The following ADCY1 variants were observed in gnomAD, a reference collection of about 807,000 sequenced individuals.
ADCY1 encodes the protein adenylate cyclase type 1.
In ADCY1, 28 loss-of-function variants were observed where a neutral mutation model predicts 105.4. That is an observed-to-expected ratio of 0.27 (90% CI 0.20 to 0.36). ADCY1 has a LOEUF of 0.36. Ranked by LOEUF, ADCY1 falls within the 10% of genes least tolerant of loss-of-function variation. The probability of loss-of-function intolerance (pLI) is 1.00; values close to 1 mark genes in which losing one functional copy is unlikely to be tolerated. For missense variants in ADCY1, 977 were observed against 1,434.2 expected, an observed-to-expected ratio of 0.68 and a Z score of 5.15; for synonymous variants, 655 against 623.8, an observed-to-expected ratio of 1.05 and a Z score of -0.75.
chr7:45,577,593 G>A (rs568342942), intron 1 of ADCY1, among the ~76,000 whole-genome samples: 1 of 152,346 alleles, frequency 6.6e-6, no homozygotes, highest in South Asian at 2.1e-4. Flanking sequence ...GCAGTCACTC[G>A]TTGACAGCAC....
At chr7:45,628,160 C>G (rs1471521067) in intron 4 of ADCY1, among the ~76,000 whole-genome samples, 3 of 152,204 alleles carry the variant, frequency 2.0e-5, no homozygotes, top group Admixed American at 2.0e-4. Context: ...ATTTTGCTAA[C>G]TGCCCTGGAT....
intron 2 of ADCY1, among the ~76,000 whole-genome samples, chr7:45,600,599 G>A (rs1355990634): frequency 1.3e-5 from 2 of 152,252 alleles, no homozygotes; most frequent in Non-Finnish European, 2.9e-5. Flanking sequence ...AAGTCTGGAG[G>A]GAGGCAGCCC....
At chr7:45,689,937 A>G (rs1784755938) in intron 14 of ADCY1, among the ~76,000 whole-genome samples, 1 of 152,270 alleles carries the variant, frequency 6.6e-6, no homozygotes, top group Non-Finnish European at 1.5e-5. Flanking sequence ...GAGAGGAGTC[A>G]GAGTCCAATC....
rs979337203 is a variant in ADCY1 at position 45,575,583 on chromosome 7, CGGCTCTGCGCGCAGCGCTG to C, written c.639+408_639+426del. The stretch of plus-strand genomic sequence containing the variant: ...AGACCCCCAGGGCAAGCTCCAAGGC[CGGCTCTGCGCGCAGCGCTG>C]GGCTCTTCCCCTGCGCACCTAGAGC... On this transcript the variant is annotated intron_variant, in intron 1 of 19. Transcript: ENST00000297323. The surrounding 1 kb of genome is among the most constrained non-coding windows in gnomAD (Gnocchi z 4.7). Among the ~76,000 whole-genome samples the C allele has an allele frequency of 2.1e-4, 32 of 152,384 alleles. No individual in the cohort carries two copies. The highest frequency in any genetic ancestry group is 3.4e-3 in the Middle Eastern group (1 of 294).
At chr7:45,669,292 C>T (rs1489995450) in intron 8 of ADCY1, among the ~76,000 whole-genome samples, 3 of 152,160 alleles carry the variant, frequency 2.0e-5, no homozygotes, top group African/African-American at 7.2e-5. Flanking sequence ...CCTCTACACA[C>T]TGCTTTAAAT....
chr7:45,620,950 C>T (rs1305928531), intron 3 of ADCY1, among the ~76,000 whole-genome samples: 1 of 152,206 alleles, frequency 6.6e-6, no homozygotes, highest in African/African-American at 2.4e-5. Flanking sequence ...ACAGTACACA[C>T]AGCTCCATAT....
intron 4 of ADCY1, among the ~76,000 whole-genome samples, chr7:45,624,941 G>C (rs1794008560): frequency 6.6e-6 from 1 of 152,316 alleles, no homozygotes; most frequent in African/African-American, 2.4e-5. Context: ...GAGGGGACAG[G>C]ACCCACGTTG....
chr7:45,653,470 G>A (rs530724938), intron 5 of ADCY1, among the ~76,000 whole-genome samples: 33 of 152,342 alleles, frequency 2.2e-4, no homozygotes, highest in African/African-American at 7.5e-4. Context: ...GACACAGGCA[G>A]CACATCAGTC....
At chr7:45,678,129 C>G in intron 9 of ADCY1, 37 bp from the exon 10 acceptor site, 1 of 1,613,720 alleles carries the variant, frequency 6.2e-7, no homozygotes, top group Non-Finnish European at 8.5e-7. Flanking sequence ...CTGGAGGAAG[C>G]CCTCAGCCCT....
chr7:45,677,643 CAG>C (rs1352698513), intron 8 of ADCY1, among the ~76,000 whole-genome samples: 2 of 152,162 alleles, frequency 1.3e-5, no homozygotes, highest in African/African-American at 2.4e-5. Flanking sequence ...TGCCATCACT[CAG>C]GGGCCATAAA....
chr7:45,603,130 T>C (rs1232337512), intron 2 of ADCY1, among the ~76,000 whole-genome samples: 1 of 152,234 alleles, frequency 6.6e-6, no homozygotes, highest in African/African-American at 2.4e-5. Flanking sequence ...GATCATAGCA[T>C]GTTTTAGTAT....
intron 4 of ADCY1, among the ~76,000 whole-genome samples, chr7:45,633,585 C>G (rs572656594): frequency 1.3e-5 from 2 of 152,056 alleles, no homozygotes; most frequent in Non-Finnish European, 2.9e-5. Context: ...GGGCGGATCA[C>G]GAGATCAAGA....
intron 1 of ADCY1, among the ~76,000 whole-genome samples, chr7:45,578,133 TG>T (rs1792405504): frequency 6.6e-6 from 1 of 152,132 alleles, no homozygotes; most frequent in Non-Finnish European, 1.5e-5. Context: ...CCCAGGACTC[TG>T]GGGGGCAGAG....
At chr7:45,590,607 G>A (rs1309246683) in intron 1 of ADCY1, among the ~76,000 whole-genome samples, 1 of 152,162 alleles carries the variant, frequency 6.6e-6, no homozygotes, top group East Asian at 1.9e-4. Context: ...CCGGATCTGA[G>A]TGGTATCCAC....
chr7:45,648,891 C>T, intron 5 of ADCY1, 94 bp downstream of exon 5: 1 of 1,470,258 alleles, frequency 6.8e-7, no homozygotes, highest in Non-Finnish European at 9.2e-7. Flanking sequence ...GTGGGCTCCC[C>T]TCTCAGGGTC....
At chr7:45,650,214 T>C (rs531506778) in intron 5 of ADCY1, among the ~76,000 whole-genome samples, 2 of 152,318 alleles carry the variant, frequency 1.3e-5, no homozygotes, top group East Asian at 3.9e-4. Flanking sequence ...ATATATCACA[T>C]ATATCACATA....
intron 4 of ADCY1, among the ~76,000 whole-genome samples, chr7:45,632,034 G>A (rs2115974771): frequency 6.6e-6 from 1 of 152,102 alleles, no homozygotes; most frequent in African/African-American, 2.4e-5. Flanking sequence ...TTGTTATCTT[G>A]ATATCTAATT....
chr7:45,676,214 T>C (rs1784454163), intron 8 of ADCY1, among the ~76,000 whole-genome samples: 1 of 152,196 alleles, frequency 6.6e-6, no homozygotes, highest in South Asian at 2.1e-4. Context: ...CTGTAATTTT[T>C]ATCTGTTCTT....
At chr7:45,659,101 G>A (rs769906983) in intron 6 of ADCY1, among the ~76,000 whole-genome samples, 19 of 152,140 alleles carry the variant, frequency 1.2e-4, no homozygotes, top group Non-Finnish European at 2.6e-4. Flanking sequence ...GTCCCTCCCT[G>A]TCCCTCCTTC....
Sources: allele counts gnomAD v4.1 joint callset (sites outside exome capture counted in the v4.1 genomes callset), GRCh38; gene constraint gnomAD v4.1.1; non-coding constraint Gnocchi (gnomAD v3.1); transcripts MANE v1.5; gene names NCBI Gene and HGNC (gene_info 2026-07-23, HGNC 2026-07-21).